PREX2: variants seen among roughly 807,000 people sequenced by gnomAD.
PREX2 encodes phosphatidylinositol 3,4,5-trisphosphate-dependent Rac exchanger 2 protein.
Under a neutral mutation model 203.2 loss-of-function variants are expected in PREX2, and 107 were observed. The ratio of observed to expected loss-of-function variants is 0.53; its 90% CI spans 0.45 to 0.62. PREX2 has a LOEUF of 0.62. PREX2 is among the 20% of genes least tolerant of loss of function. PREX2 has a pLI of 0.00. For missense variants in PREX2, 1,777 were observed against 1,955.9 expected (o/e 0.91, Z 1.72); for synonymous variants, 672 against 663.6 (o/e 1.01, Z -0.19).
chr8:67,972,049 C>T (rs1312231710), intron 1 of PREX2, among the ~76,000 whole-genome samples: 1 of 152,192 alleles, frequency 6.6e-6, no homozygotes, highest in Admixed American at 6.5e-5. Context: ...ATTTGAAGTG[C>T]AAGAAACTGA....
chr8:68,007,098 A>G (rs971411091), intron 1 of PREX2, among the ~76,000 whole-genome samples: 7 of 152,240 alleles, frequency 4.6e-5, no homozygotes, highest in Admixed American at 3.3e-4. Flanking sequence ...ATCCATAGAA[A>G]TGAACTCATT....
intron 7 of PREX2, among the ~76,000 whole-genome samples, chr8:68,042,197 A>G (rs1305366090): frequency 6.6e-6 from 1 of 152,086 alleles, no homozygotes; most frequent in Non-Finnish European, 1.5e-5. Flanking sequence ...TAATGTTGTA[A>G]TTATATGAAC....
intron 1 of PREX2, among the ~76,000 whole-genome samples, chr8:67,970,041 T>G (rs1362777579): frequency 1.3e-5 from 2 of 152,222 alleles, no homozygotes; most frequent in Non-Finnish European, 2.9e-5. Context: ...TTGTTTATGC[T>G]GTAGTTATAA....
In PREX2 at chr8:68,044,489, G is replaced by T. The variant is rs372931548; in HGVS notation, c.842G>T (p.Arg281Leu). 1.2e-6 allele frequency: 2 copies of T among 1,605,300 alleles called. No homozygotes were observed. Among genetic ancestry groups the T allele is most frequent in the African/African-American group, 1.3e-5 (1 of 74,690 alleles). ...LLVYCKRKHR[R>L]LKNSKASTDG... is the part of the protein sequence containing the mutation. ...TTGTGATTTAATTCCATCTTAAGAC[G>T]GTTGAAGAACAGCAAGGCATCTACA... The change falls in exon 8 of 40, where the codon CGG (arginine) becomes CTG (leucine). Residue 281 changes from arginine to leucine, a missense_variant and splice_region_variant. Physicochemically the swap from Arg to Leu is moderately radical, Grantham distance 102. Transcript: ENST00000288368.
chr8:67,989,418 G>A (rs11995284), intron 1 of PREX2, among the ~76,000 whole-genome samples: 6,614 of 151,940 alleles, frequency 0.044, 450 homozygotes, highest in African/African-American at 0.14. Context: ...GAAATATTAG[G>A]TTACTAAATA....
chr8:68,233,563 T>A lies in PREX2; in HGVS notation c.*2185T>A, dbSNP rs1563598684. The stretch of plus-strand genomic sequence containing the variant: ...TGGTTTATATTAACATCAGTCACTC[T>A]AACTTCTGATCGTAATAAAAATTGT... On this transcript the variant is annotated 3_prime_UTR_variant, in exon 40 of 40. Transcript: ENST00000288368. 2 of 152,238 alleles carry A rather than the reference T, an allele frequency of 1.3e-5. No individual in the cohort carries two copies. The highest frequency in any genetic ancestry group is 4.8e-5 in the African/African-American group (2 of 41,466). 9.4% of individuals were successfully genotyped at this position (152,238 alleles called of 1,614,324 possible).
chr8:68,200,541 C>T (rs1812480704), intron 37 of PREX2, among the ~76,000 whole-genome samples: 1 of 151,062 alleles, frequency 6.6e-6, no homozygotes, highest in African/African-American at 2.4e-5. Flanking sequence ...TACTTTTTTC[C>T]ATTATCTGTA....
At chr8:68,042,634 G>C (rs899389561) in intron 7 of PREX2, among the ~76,000 whole-genome samples, 3 of 151,924 alleles carry the variant, frequency 2.0e-5, no homozygotes, top group African/African-American at 7.2e-5. Context: ...GGTGACCATT[G>C]CAACACATAA....
intron 5 of PREX2, among the ~76,000 whole-genome samples, chr8:68,028,222 C>T (rs1807786914): frequency 1.3e-5 from 2 of 149,190 alleles, no homozygotes. Flanking sequence ...ATTCTGAATA[C>T]ATATATATAT....
chr8:67,996,642 C>T (rs756470595), intron 1 of PREX2, among the ~76,000 whole-genome samples: 6 of 152,112 alleles, frequency 3.9e-5, no homozygotes, highest in African/African-American at 1.2e-4. Flanking sequence ...TCTTCAATTT[C>T]GATAAAATCT....
rs1809145220 is a variant in PREX2, at chr8:68,069,883, AG to A, written c.1493+1del. On this transcript the variant is annotated frameshift_variant and splice_region_variant, in exon 13 of 40. Transcript: ENST00000288368. LOFTEE classifies it high-confidence loss of function. ...TCATAGCCTTTTTACTCCAGTGATA[AG>A]GTGAGTCTGGTTTTTAAGTTCTGGG... Reference protein sequence around the residue: ...RLHSLFTPVIRDKDYHLRTYK... With the variant: ...RLHSLFTPVIXDKDYHLRTYK... 6.5e-7 allele frequency: 1 copy of A among 1,531,916 alleles called. No individual in the cohort carries two copies. Among genetic ancestry groups the A allele is most frequent in the Non-Finnish European group, 8.9e-7 (1 of 1,117,570 alleles). The allele number at this position is 1,531,916 out of a possible 1,614,324, so 94.9% of individuals were successfully genotyped here.
At chr8:68,113,908 C>T (rs1810587075) in intron 25 of PREX2, among the ~76,000 whole-genome samples, 3 of 152,238 alleles carry the variant, frequency 2.0e-5, no homozygotes, top group Non-Finnish European at 4.4e-5. Context: ...GTTGCCCAGG[C>T]TGGAGTGCAG....
chr8:68,031,722 T>G (rs954375146), intron 6 of PREX2, among the ~76,000 whole-genome samples: 5 of 152,184 alleles, frequency 3.3e-5, no homozygotes, highest in Non-Finnish European at 5.9e-5. Flanking sequence ...GCTGCCTCTT[T>G]CAGGCGGCTA....
At chr8:68,069,750 G>A in intron 12 of PREX2, 85 bp from the exon 13 acceptor site, 1 of 629,452 alleles carries the variant, frequency 1.6e-6, no homozygotes, top group South Asian at 2.4e-5. Context: ...AATATTGACA[G>A]TGAATTAATT....
intron 35 of PREX2, among the ~76,000 whole-genome samples, chr8:68,188,340 C>T (rs1812230398): frequency 6.6e-6 from 1 of 152,152 alleles, no homozygotes; most frequent in Non-Finnish European, 1.5e-5. Context: ...AAAACCATCC[C>T]ACTTCAAATG....
intron 35 of PREX2, among the ~76,000 whole-genome samples, chr8:68,182,807 G>A (rs901379414): frequency 6.6e-6 from 1 of 151,746 alleles, no homozygotes; most frequent in African/African-American, 2.4e-5. Flanking sequence ...TTTAGCACAA[G>A]GAACAGGATG....
chr8:68,114,749 A>G lies in PREX2; in HGVS notation c.3147-1004A>G, dbSNP rs117541993. On this transcript the variant is annotated intron_variant, in intron 25 of 39. Coordinates refer to ENST00000288368, the MANE Select transcript of PREX2 (RefSeq NM_024870.4). ...CAGATTTACCCCATCCTCACATTGT[A>G]TGTAACTCTGTTTAGTGTCTTGTAA... Among the ~76,000 whole-genome samples, 10 of 152,204 alleles carry G rather than the reference A, an allele frequency of 6.6e-5. No homozygotes were observed. The East Asian group carries it at 1.6e-3, about 24-fold the overall frequency.
At chr8:67,985,137 G>A (rs530991216) in intron 1 of PREX2, among the ~76,000 whole-genome samples, 1 of 152,254 alleles carries the variant, frequency 6.6e-6, no homozygotes, top group South Asian at 2.1e-4. Flanking sequence ...GATGTTTGAA[G>A]TATGCTTCCT....
intron 33 of PREX2, among the ~76,000 whole-genome samples, chr8:68,142,890 A>G (rs1228614336): frequency 1.3e-5 from 2 of 152,104 alleles, no homozygotes; most frequent in East Asian, 3.9e-4. Context: ...TTTGTGGAAA[A>G]TCTGCATTTT....
Sources: allele counts gnomAD v4.1 joint callset (sites outside exome capture counted in the v4.1 genomes callset), GRCh38; gene constraint gnomAD v4.1.1; transcripts MANE v1.5; gene names NCBI Gene and HGNC (gene_info 2026-07-23, HGNC 2026-07-21).